Variants in ZBTB16 observed in about 807,000 individuals in gnomAD.
ZBTB16 encodes the protein zinc finger and BTB domain-containing protein 16.
A neutral mutation model predicts 56.8 loss-of-function variants in ZBTB16; 8 were observed. That is an observed-to-expected ratio of 0.14 (90% CI 0.08 to 0.25). ZBTB16 has a LOEUF of 0.25. Among genes scored for constraint, ZBTB16 ranks in the 10% least tolerant of loss-of-function variants. The pLI, the probability that ZBTB16 is intolerant of heterozygous loss-of-function variation, is 1.00. For missense variants in ZBTB16, 625 were observed against 903.0 expected, an observed-to-expected ratio of 0.69 and a Z score of 3.95; for synonymous variants, 363 against 368.5, an observed-to-expected ratio of 0.98 and a Z score of 0.17.
At chr11:114,142,246 G>T (rs773980106) in intron 2 of ZBTB16, among the ~76,000 whole-genome samples, 7 of 152,154 alleles carry the variant, frequency 4.6e-5, no homozygotes, top group Non-Finnish European at 5.9e-5. Context: ...GGCTGCAGCC[G>T]ACAACCTTCC....
At chr11:114,221,830 A>G (rs1426087697) in intron 4 of ZBTB16, among the ~76,000 whole-genome samples, 2 of 152,178 alleles carry the variant, frequency 1.3e-5, no homozygotes, top group African/African-American at 2.4e-5. Context: ...AATTTCAGAA[A>G]ACAACTGCAA....
chr11:114,112,323 A>G (rs990799653), intron 2 of ZBTB16, among the ~76,000 whole-genome samples: 2 of 152,178 alleles, frequency 1.3e-5, no homozygotes, highest in Admixed American at 6.5e-5. Context: ...AAATGTCACA[A>G]TGATGTCTGT....
chr11:114,157,001 G>A (rs1322225858), intron 3 of ZBTB16, among the ~76,000 whole-genome samples: 1 of 152,190 alleles, frequency 6.6e-6, no homozygotes, highest in Non-Finnish European at 1.5e-5. Flanking sequence ...TTGGTGGAGG[G>A]AAGGATCTAG....
At chr11:114,160,383 G>C (rs142047307) in intron 3 of ZBTB16, among the ~76,000 whole-genome samples, 2,186 of 152,222 alleles carry the variant, frequency 0.014, 20 homozygotes, top group Middle Eastern at 0.024. Flanking sequence ...ACGGAGCTCC[G>C]GCTTGTTCTT....
In ZBTB16 at chr11:114,143,409, A is replaced by G. The variant is rs1419870042; in HGVS notation, c.1269-12928A>G. Reference sequence around the variant, plus strand: ...GCTCCAACAGAAACACACTTAAAAGACAGAGGCTGGGGGGGAAAGGGGGTC... The same window carrying G: ...GCTCCAACAGAAACACACTTAAAAGGCAGAGGCTGGGGGGGAAAGGGGGTC... On this transcript the variant is annotated intron_variant, in intron 2 of 6. Transcript: ENST00000335953. This position sits in a 1 kb window ranked among gnomAD's most constrained non-coding sequence, Gnocchi z 6.4. 6.6e-6 allele frequency among the ~76,000 whole-genome samples: 1 copy of G among 151,702 alleles called. No homozygotes were observed. Among genetic ancestry groups the G allele is most frequent in the Non-Finnish European group, 1.5e-5 (1 of 67,900 alleles).
At chr11:114,108,343 G>T (rs1222713349) in intron 2 of ZBTB16, among the ~76,000 whole-genome samples, 4 of 152,134 alleles carry the variant, frequency 2.6e-5, no homozygotes, top group African/African-American at 9.7e-5. Context: ...CCCTTTTCAG[G>T]TCTTTTTCCT....
intron 4 of ZBTB16, among the ~76,000 whole-genome samples, chr11:114,215,993 G>T (rs1944086800): frequency 6.6e-6 from 1 of 152,172 alleles, no homozygotes; most frequent in South Asian, 2.1e-4. Context: ...GAGCAGACAG[G>T]GTAGGGGTGT....
intron 2 of ZBTB16, among the ~76,000 whole-genome samples, chr11:114,134,687 G>A (rs1273092274): frequency 6.6e-6 from 1 of 150,836 alleles, no homozygotes; most frequent in Non-Finnish European, 1.5e-5. Context: ...TCGAAGAACT[G>A]AAAATCCTCA....
intron 2 of ZBTB16, among the ~76,000 whole-genome samples, chr11:114,092,731 A>G (rs1394455310): frequency 6.6e-6 from 1 of 152,176 alleles, no homozygotes; most frequent in Admixed American, 6.5e-5. Flanking sequence ...CGTAAGGCTT[A>G]GGTCCCATAA....
At chr11:114,235,542 C>G (rs908107408) in intron 4 of ZBTB16, among the ~76,000 whole-genome samples, 1 of 152,202 alleles carries the variant, frequency 6.6e-6, no homozygotes, top group Admixed American at 6.5e-5. Context: ...GTGAAATACC[C>G]TAGGTCTGTG....
In ZBTB16 at chr11:114,156,379, C is replaced by T. The variant is rs1205712579; in HGVS notation, c.1311C>T (p.Cys437=). 1.2e-5 allele frequency: 19 copies of T among 1,614,210 alleles called. No homozygotes were observed. Among genetic ancestry groups the T allele is most frequent in the Middle Eastern group, 1.6e-4 (1 of 6,062 alleles). ...SGMKTYGCEL[C]GKRFLDSLRL... ...TGAAGACGTACGGGTGCGAGCTCTG[C>T]GGGAAGCGGTTCCTGGATAGTTTGC... is the stretch of plus-strand genomic sequence containing the variant. The change falls in exon 3 of 7, where the codon TGC becomes TGT. Residue 437 remains cysteine (C), a synonymous_variant. Transcript: ENST00000335953.
In ZBTB16 at chr11:114,238,534, A is replaced by G. The variant is rs148125235; in HGVS notation, c.1454-3633A>G. Among the ~76,000 whole-genome samples, 7 of 151,168 alleles carry G rather than the reference A, an allele frequency of 4.6e-5. No homozygotes were observed. The East Asian group carries it at 1.2e-3, about 25-fold the overall frequency. ...TCTCTGGGCCCTCTTTTACAAGGAC[A>G]CTCATTCCATTTTAATTACCTAATT... is the stretch of plus-strand genomic sequence containing the variant. On this transcript the variant is annotated intron_variant, in intron 4 of 6. Transcript: ENST00000335953.
At chr11:114,150,931 C>T (rs945410695) in intron 2 of ZBTB16, among the ~76,000 whole-genome samples, 1 of 152,220 alleles carries the variant, frequency 6.6e-6, no homozygotes, top group African/African-American at 2.4e-5. Context: ...TGCCCAGGTC[C>T]TGCTCGACAG....
At chr11:114,152,920 G>A (rs142418834) in intron 2 of ZBTB16, among the ~76,000 whole-genome samples, 1 of 152,176 alleles carries the variant, frequency 6.6e-6, no homozygotes, top group Non-Finnish European at 1.5e-5. Context: ...GGAAGAAGGA[G>A]GTGGATAGAA....
chr11:114,077,227 G>A (rs958325571), intron 2 of ZBTB16, among the ~76,000 whole-genome samples: 4 of 152,228 alleles, frequency 2.6e-5, no homozygotes, highest in Middle Eastern at 3.4e-3. Context: ...CCCCTCCCCA[G>A]CCTGCAGCCT....
At chr11:114,166,201 CGTGTGTGTGTGTGTGTGTGTGTGT>C (rs3057730) in intron 3 of ZBTB16, among the ~76,000 whole-genome samples, 1 of 134,074 alleles carries the variant, frequency 7.5e-6, no homozygotes, top group African/African-American at 2.9e-5. Flanking sequence ...GACTGGTCTA[CGTGTGTGTGTGTGTGTGTGTGTGT>C]GTGTGTGTGT....
chr11:114,113,212 A>G (rs1346260626), intron 2 of ZBTB16, among the ~76,000 whole-genome samples: 1 of 152,200 alleles, frequency 6.6e-6, no homozygotes, highest in African/African-American at 2.4e-5. Context: ...TTTGAATTCT[A>G]TACTGTCTTT....
intron 2 of ZBTB16, among the ~76,000 whole-genome samples, chr11:114,082,108 G>C (rs1188643631): frequency 2.2e-4 from 15 of 67,068 alleles, no homozygotes; most frequent in African/African-American, 7.3e-4. Context: ...ATAGCGAGAC[G>C]ATCTTTACAA....
At chr11:114,109,930 G>C (rs1242498950) in intron 2 of ZBTB16, among the ~76,000 whole-genome samples, 1 of 152,190 alleles carries the variant, frequency 6.6e-6, no homozygotes, top group Non-Finnish European at 1.5e-5. Context: ...AGAAGAGCAG[G>C]ACCGGAGGAT....
Sources: gnomAD v4.1 joint callset for allele counts (sites outside exome capture counted in the v4.1 genomes callset) on GRCh38, gnomAD v4.1.1 for gene constraint, Gnocchi (gnomAD v3.1) non-coding constraint, MANE v1.5 for transcripts, NCBI Gene and HGNC (gene_info 2026-07-23, HGNC 2026-07-21) for gene names.